Variants in IKZF1 observed in about 807,000 individuals in gnomAD.
IKZF1 encodes IKAROS family zinc finger 1, also known as DNA-binding protein Ikaros.
In IKZF1, 10 loss-of-function variants were observed where a neutral mutation model predicts 51.7. The ratio of observed to expected loss-of-function variants is 0.19; its 90% CI spans 0.12 to 0.33. The LOEUF (loss-of-function observed/expected upper bound fraction) is 0.33. Among genes scored for constraint, IKZF1 ranks in the 10% least tolerant of loss-of-function variants. The pLI, the probability that IKZF1 is intolerant of heterozygous loss-of-function variation, is 1.00. For synonymous variants in IKZF1, 280 were observed against 282.3 expected, an observed-to-expected ratio of 0.99 and a Z score of 0.08; for missense variants, 484 against 707.5, an observed-to-expected ratio of 0.68 and a Z score of 3.58.
intron 3 of IKZF1, among the ~76,000 whole-genome samples, chr7:50,334,970 A>T (rs1187222515): frequency 7.1e-6 from 1 of 141,506 alleles, no homozygotes; most frequent in Non-Finnish European, 1.5e-5. Flanking sequence ...TGTGTGTGCA[A>T]GTAATATGTA....
At chr7:50,309,259 A>C (rs999383934) in intron 1 of IKZF1, among the ~76,000 whole-genome samples, 2 of 152,190 alleles carry the variant, frequency 1.3e-5, no homozygotes, top group South Asian at 4.1e-4. Context: ...GCTAAAGTAA[A>C]TCTGACTCTC....
chr7:50,353,940 G>A (rs1802556227), intron 3 of IKZF1, among the ~76,000 whole-genome samples: 1 of 152,246 alleles, frequency 6.6e-6, no homozygotes, highest in East Asian at 1.9e-4. Context: ...ACCCAGGGAG[G>A]CCCCAAGCCA....
intron 1 of IKZF1, among the ~76,000 whole-genome samples, chr7:50,306,795 A>T (rs1245105066): frequency 6.6e-6 from 1 of 152,172 alleles, no homozygotes; most frequent in Non-Finnish European, 1.5e-5. Context: ...TTTGGTTTGG[A>T]TACATTTTTT....
At chr7:50,383,353 T>A (rs549571962) in intron 5 of IKZF1, among the ~76,000 whole-genome samples, 1 of 152,332 alleles carries the variant, frequency 6.6e-6, no homozygotes, top group Non-Finnish European at 1.5e-5. Context: ...ATCATAGGCA[T>A]AAACGCTCTA....
rs756261862 is a variant in IKZF1 at position 50,376,609 on chromosome 7, G to C, written c.237G>C (p.Ala79=). The change falls in exon 4 of 8, where the codon GCG becomes GCC. Residue 79 remains alanine, a synonymous_variant. Coordinates refer to ENST00000331340, the MANE Select transcript of IKZF1 (RefSeq NM_006060.6). The surrounding 1 kb of genome is among the most constrained non-coding windows in gnomAD (Gnocchi z 4.5). The part of the protein sequence containing the change: ...RACEMNGEEC[A]EDLRMLDASG... ...GTGAAATGAATGGGGAAGAATGTGC[G>C]GAGGATTTACGAATGCTTGATGCCT... 6.2e-7 allele frequency: 1 copy of C among 1,613,966 alleles called. No homozygotes were observed. The highest frequency in any genetic ancestry group is 8.5e-7 in the Non-Finnish European group (1 of 1,179,888).
intron 6 of IKZF1, among the ~76,000 whole-genome samples, chr7:50,388,033 T>C (rs1002588475): frequency 3.1e-4 from 47 of 152,264 alleles, no homozygotes; most frequent in African/African-American, 1.1e-3. Flanking sequence ...AGGTCGCTTC[T>C]TTCTTAGGAG....
At chr7:50,343,620 C>A (rs1218741396) in intron 3 of IKZF1, among the ~76,000 whole-genome samples, 5 of 152,224 alleles carry the variant, frequency 3.3e-5, no homozygotes, top group Non-Finnish European at 2.9e-5. Flanking sequence ...CAGGAGAAGA[C>A]ACGCTGTGGT....
intron 4 of IKZF1, among the ~76,000 whole-genome samples, chr7:50,379,326 G>A (rs771603627): frequency 1.7e-4 from 26 of 152,376 alleles, no homozygotes; most frequent in Middle Eastern, 3.4e-3. Context: ...CCATGGCTGA[G>A]TCAGCTTCTC....
chr7:50,365,968 C>T (rs1422080630), intron 3 of IKZF1, among the ~76,000 whole-genome samples: 1 of 152,176 alleles, frequency 6.6e-6, no homozygotes, highest in African/African-American at 2.4e-5. Flanking sequence ...AGATCATGCC[C>T]TTTGCAGGAA....
chr7:50,360,486 C>T (rs1804874268), intron 3 of IKZF1, among the ~76,000 whole-genome samples: 1 of 152,176 alleles, frequency 6.6e-6, no homozygotes, highest in Admixed American at 6.5e-5. Flanking sequence ...ATACAATAAC[C>T]CCATTTCAGG....
intron 3 of IKZF1, among the ~76,000 whole-genome samples, chr7:50,362,591 G>T (rs1300078029): frequency 2.0e-5 from 3 of 152,110 alleles, no homozygotes; most frequent in African/African-American, 7.2e-5. Context: ...TGAGCTACAG[G>T]GCTCTCTTTT....
At chr7:50,334,758 GTGTA>G (rs1417655525) in intron 3 of IKZF1, among the ~76,000 whole-genome samples, 3 of 151,326 alleles carry the variant, frequency 2.0e-5, no homozygotes, top group East Asian at 2.0e-4. Context: ...GATATGCGGT[GTGTA>G]TGTATGGTGT....
At chr7:50,361,483 C>G (rs770690838) in intron 3 of IKZF1, among the ~76,000 whole-genome samples, 3 of 152,124 alleles carry the variant, frequency 2.0e-5, no homozygotes, top group Non-Finnish European at 2.9e-5. Flanking sequence ...ATCCTGGACC[C>G]GGAAGTTGGC....
intron 3 of IKZF1, chr7:50,368,412 G>C (rs1376105977): frequency 1.6e-6 from 1 of 641,008 alleles, no homozygotes; most frequent in South Asian, 1.7e-5. Flanking sequence ...CATATTTTCT[G>C]TCACCAACAA....
chr7:50,376,435 T>A lies in IKZF1; in HGVS notation c.161-98T>A, dbSNP rs2153467582. ...TTGCTAAGAACTTCTGTTTAGTAGC[T>A]CTCCACACCTATTTGATTGTCTTTT... is the stretch of plus-strand genomic sequence containing the variant. On this transcript the variant is annotated intron_variant, in intron 3 of 7. Transcript: ENST00000331340. The surrounding 1 kb of genome is among the most constrained non-coding windows in gnomAD (Gnocchi z 4.5). 6.5e-7 allele frequency: 1 copy of A among 1,535,044 alleles called. No individual in the cohort carries two copies. Among genetic ancestry groups the A allele is most frequent in the Non-Finnish European group, 8.7e-7 (1 of 1,143,200 alleles).
chr7:50,337,077 C>A (rs1384041591), intron 3 of IKZF1, among the ~76,000 whole-genome samples: 1 of 151,940 alleles, frequency 6.6e-6, no homozygotes, highest in Non-Finnish European at 1.5e-5. Context: ...CCACAAGCGG[C>A]TCGGTAGGAT....
intron 3 of IKZF1, among the ~76,000 whole-genome samples, chr7:50,363,946 A>G (rs1363943639): frequency 6.6e-6 from 1 of 152,230 alleles, no homozygotes; most frequent in East Asian, 1.9e-4. Context: ...AAGGTACCAC[A>G]AACCATACTC....
chr7:50,343,905 T>C (rs1459694156), intron 3 of IKZF1, among the ~76,000 whole-genome samples: 1 of 152,256 alleles, frequency 6.6e-6, no homozygotes, highest in African/African-American at 2.4e-5. Flanking sequence ...TTTTAGAGCC[T>C]AGACCTTTGA....
intron 3 of IKZF1, among the ~76,000 whole-genome samples, chr7:50,365,786 A>G (rs1171020929): frequency 6.6e-6 from 1 of 152,220 alleles, no homozygotes; most frequent in Non-Finnish European, 1.5e-5. Flanking sequence ...ATATACCCAA[A>G]GGAATATGAG....
Sources: allele counts gnomAD v4.1 joint callset (sites outside exome capture counted in the v4.1 genomes callset), GRCh38; gene constraint gnomAD v4.1.1; non-coding constraint Gnocchi (gnomAD v3.1); transcripts MANE v1.5; gene names NCBI Gene and HGNC (gene_info 2026-07-23, HGNC 2026-07-21).